Variants in TTC28 observed in about 807,000 individuals in gnomAD.
TTC28 encodes tetratricopeptide repeat domain 28.
A neutral mutation model predicts 198.0 loss-of-function variants in TTC28; 61 were observed. The ratio of observed to expected loss-of-function variants is 0.31; its 90% CI spans 0.25 to 0.38. TTC28 has a LOEUF of 0.38. Ranked by LOEUF, TTC28 falls within the 10% of genes least tolerant of loss-of-function variation. The probability of loss-of-function intolerance (pLI) is 1.00; values close to 1 mark genes in which losing one functional copy is unlikely to be tolerated. For missense variants in TTC28, 2,678 were observed against 3,164.0 expected, an observed-to-expected ratio of 0.85 and a Z score of 3.69; for synonymous variants, 1,171 against 1,297.8, an observed-to-expected ratio of 0.90 and a Z score of 2.10.
chr22:28,111,720 G>A (rs1333156910), intron 6 of TTC28, among the ~76,000 whole-genome samples: 1 of 151,036 alleles, frequency 6.6e-6, no homozygotes, highest in Non-Finnish European at 1.5e-5. Flanking sequence ...TGCCTTTGCA[G>A]TGATTTTTTT....
At chr22:28,215,137 T>C (rs892975599) in intron 5 of TTC28, among the ~76,000 whole-genome samples, 1 of 151,522 alleles carries the variant, frequency 6.6e-6, no homozygotes, top group Admixed American at 6.6e-5. Context: ...TGTGGTGGGG[T>C]TGGGGGAGGG....
At chr22:28,117,612 C>T (rs1236952308) in intron 6 of TTC28, among the ~76,000 whole-genome samples, 1 of 152,110 alleles carries the variant, frequency 6.6e-6, no homozygotes, top group African/African-American at 2.4e-5. Flanking sequence ...ATCATGGTGC[C>T]CTCGAGTTAG....
chr22:28,214,982 G>A (rs971139286), intron 5 of TTC28, among the ~76,000 whole-genome samples: 6 of 152,166 alleles, frequency 3.9e-5, no homozygotes, highest in African/African-American at 1.4e-4. Flanking sequence ...GTCCTTCGTA[G>A]GGACATGCAT....
chr22:28,029,765 T>C (rs963378455), intron 13 of TTC28, among the ~76,000 whole-genome samples: 2 of 152,168 alleles, frequency 1.3e-5, no homozygotes, highest in African/African-American at 4.8e-5. Context: ...ATGAGTGCAT[T>C]CCTAGGCCCA....
At chr22:28,429,671 T>C (rs890647552) in intron 2 of TTC28, among the ~76,000 whole-genome samples, 2 of 152,214 alleles carry the variant, frequency 1.3e-5, no homozygotes, top group African/African-American at 4.8e-5. Flanking sequence ...AAACCCATTC[T>C]TCCCACTTCA....
rs114791826 is a variant in TTC28 at position 28,028,110 on chromosome 22, G to A, written c.4073+2116C>T. Reference sequence around the variant, plus strand: ...CTTACCACATTGAAGCGAGAAGAACGCCGGCTATTTCCCTCATCCAAAGGG... The same window carrying A: ...CTTACCACATTGAAGCGAGAAGAACACCGGCTATTTCCCTCATCCAAAGGG... On this transcript the variant is annotated intron_variant, in intron 13 of 22. Coordinates refer to ENST00000397906, the MANE Select transcript of TTC28 (RefSeq NM_001145418.2). Among the ~76,000 whole-genome samples, 685 of 152,290 alleles carry A rather than the reference G, an allele frequency of 4.5e-3. 3 individuals are homozygous for A. Among genetic ancestry groups the A allele is most frequent in the African/African-American group, 0.016 (653 of 41,546 alleles).
At chr22:28,066,311 G>A (rs1357944558) in intron 12 of TTC28, among the ~76,000 whole-genome samples, 1 of 151,382 alleles carries the variant, frequency 6.6e-6, no homozygotes, top group Non-Finnish European at 1.5e-5. Flanking sequence ...TGTGGTGTGT[G>A]TGTGTGTGTG....
chr22:28,409,187 C>T (rs1028904909), intron 2 of TTC28, among the ~76,000 whole-genome samples: 1 of 152,082 alleles, frequency 6.6e-6, no homozygotes, highest in Non-Finnish European at 1.5e-5. Context: ...GTTCTTAAAA[C>T]TAAAAAAGAG....
intron 13 of TTC28, among the ~76,000 whole-genome samples, chr22:28,019,859 C>A (rs1938521419): frequency 6.6e-6 from 1 of 152,186 alleles, no homozygotes; most frequent in Non-Finnish European, 1.5e-5. Flanking sequence ...ATGGCAGGAG[C>A]GTGAGCCGTG....
chr22:28,637,009 T>G (rs983254029), intron 1 of TTC28, among the ~76,000 whole-genome samples: 7 of 143,922 alleles, frequency 4.9e-5, no homozygotes, highest in African/African-American at 2.6e-5. Flanking sequence ...CTTCAGTTTT[T>G]TTTTTTTTTT....
intron 2 of TTC28, among the ~76,000 whole-genome samples, chr22:28,381,824 T>C (rs765156780): frequency 4.0e-4 from 61 of 152,196 alleles, no homozygotes; most frequent in Non-Finnish European, 8.1e-4. Flanking sequence ...TTAAGAATTA[T>C]GTTCTATTTA....
At chr22:28,480,301 A>G (rs532466369) in intron 2 of TTC28, among the ~76,000 whole-genome samples, 14 of 152,318 alleles carry the variant, frequency 9.2e-5, no homozygotes, top group African/African-American at 3.4e-4. Flanking sequence ...TAACTAAGCT[A>G]TACATAGATC....
At chr22:28,336,989 T>G (rs941637353) in intron 2 of TTC28, among the ~76,000 whole-genome samples, 137 of 152,194 alleles carry the variant, frequency 9.0e-4, no homozygotes, top group Non-Finnish European at 3.7e-4. Flanking sequence ...TGCTATAAAT[T>G]TCCCTCTACA....
At chr22:28,108,807 G>C (rs1942401690) in intron 6 of TTC28, among the ~76,000 whole-genome samples, 1 of 152,172 alleles carries the variant, frequency 6.6e-6, no homozygotes, top group Non-Finnish European at 1.5e-5. Context: ...AATGTTAGCA[G>C]ACAACTCACA....
intron 2 of TTC28, among the ~76,000 whole-genome samples, chr22:28,402,143 A>C (rs1258712257): frequency 1.3e-5 from 2 of 152,244 alleles, no homozygotes; most frequent in African/African-American, 2.4e-5. Context: ...AAATGGTAGA[A>C]TAGTAATAGC....
At chr22:28,386,537 A>G (rs2046598109) in intron 2 of TTC28, among the ~76,000 whole-genome samples, 1 of 152,162 alleles carries the variant, frequency 6.6e-6, no homozygotes, top group African/African-American at 2.4e-5. Flanking sequence ...ACAACAGATG[A>G]GAAAGCTAAA....
chr22:28,380,568 C>G (rs1412465611), intron 2 of TTC28, among the ~76,000 whole-genome samples: 1 of 152,128 alleles, frequency 6.6e-6, no homozygotes, highest in African/African-American at 2.4e-5. Flanking sequence ...CTCTTATAAT[C>G]AATCCTTTAT....
intron 2 of TTC28, among the ~76,000 whole-genome samples, chr22:28,342,531 C>T (rs576997498): frequency 3.3e-5 from 5 of 152,122 alleles, no homozygotes; most frequent in South Asian, 2.1e-4. Flanking sequence ...CTTTTATTTT[C>T]GGCTTAAATT....
intron 2 of TTC28, among the ~76,000 whole-genome samples, chr22:28,416,702 A>C (rs2047172458): frequency 1.3e-5 from 2 of 152,228 alleles, no homozygotes; most frequent in South Asian, 4.1e-4. Flanking sequence ...ACCAATCTTC[A>C]CAACCCATTC....
Sources: gnomAD v4.1 joint callset for allele counts (sites outside exome capture counted in the v4.1 genomes callset) on GRCh38, gnomAD v4.1.1 for gene constraint, MANE v1.5 for transcripts, NCBI Gene and HGNC (gene_info 2026-07-23, HGNC 2026-07-21) for gene names.